Variants in MTBP observed in about 807,000 individuals in gnomAD.
MTBP encodes MDM2 binding protein, also known as mdm2-binding protein.
A neutral mutation model predicts 117.0 loss-of-function variants in MTBP; 101 were observed. The ratio of observed to expected loss-of-function variants is 0.86; its 90% CI spans 0.73 to 1.02. The LOEUF is 1.02. Among genes scored for constraint, MTBP ranks in the 50% least tolerant of loss-of-function variants. The pLI, the probability that MTBP is intolerant of heterozygous loss-of-function variation, is 0.00. For missense variants in MTBP, 970 were observed against 1,030.9 expected (o/e 0.94, Z 0.81); for synonymous variants, 350 against 351.5 (o/e 1.00, Z 0.05).
intron 21 of MTBP, among the ~76,000 whole-genome samples, chr8:120,523,022 TG>T (rs1815032237): frequency 6.6e-6 from 1 of 152,170 alleles, no homozygotes; most frequent in Non-Finnish European, 1.5e-5. Flanking sequence ...TTAGTTTATT[TG>T]ATTGACCATT....
chr8:120,467,583 G>T (rs773615166), intron 10 of MTBP, among the ~76,000 whole-genome samples: 1 of 152,206 alleles, frequency 6.6e-6, no homozygotes, highest in Non-Finnish European at 1.5e-5. Context: ...TCCAGCATGG[G>T]CAACAGGGTG....
intron 11 of MTBP, among the ~76,000 whole-genome samples, chr8:120,482,307 A>G (rs1179946362): frequency 6.6e-6 from 1 of 152,242 alleles, no homozygotes; most frequent in African/African-American, 2.4e-5. Context: ...TTCCTTATCT[A>G]GAAAATGAGA....
intron 1 of MTBP, among the ~76,000 whole-genome samples, 199 bp from the exon 2 acceptor site, chr8:120,446,234 G>T (rs1813224182): frequency 6.6e-6 from 1 of 152,090 alleles, no homozygotes; most frequent in East Asian, 1.9e-4. Context: ...TAACTGACTG[G>T]CATGTACAGA....
rs141210077 is a variant in MTBP, at chr8:120,482,231, A to G, written c.1166-5928A>G. 3.3e-3 allele frequency among the ~76,000 whole-genome samples: 495 copies of G among 152,296 alleles called. 2 individuals are homozygous for G. Among genetic ancestry groups the G allele is most frequent in the African/African-American group, 0.011 (467 of 41,576 alleles). On this transcript the variant is annotated intron_variant, in intron 11 of 21. Coordinates refer to ENST00000305949, the MANE Select transcript of MTBP (RefSeq NM_022045.5). ...CCCAACACGAGGTGAAATCACTGTC[A>G]CTGAAGAATCCTTTAGATGCTTTGA...
chr8:120,463,820 A>G, intron 10 of MTBP, 59 bp downstream of exon 10: 4 of 1,476,890 alleles, frequency 2.7e-6, no homozygotes, highest in Non-Finnish European at 9.4e-7. Flanking sequence ...CCATTTAAGG[A>G]TGTGTAAGAA....
intron 11 of MTBP, among the ~76,000 whole-genome samples, chr8:120,485,260 A>C (rs1183637062): frequency 1.3e-5 from 2 of 152,122 alleles, no homozygotes; most frequent in African/African-American, 4.8e-5. Flanking sequence ...GCTATATTTG[A>C]TAAATTTTAT....
At chr8:120,495,944 A>G (rs971533674) in intron 13 of MTBP, among the ~76,000 whole-genome samples, 5 of 152,128 alleles carry the variant, frequency 3.3e-5, no homozygotes, top group East Asian at 1.9e-4. Flanking sequence ...TGGGATTCCA[A>G]TGAATAATAC....
intron 17 of MTBP, among the ~76,000 whole-genome samples, chr8:120,513,382 T>A (rs1814853245): frequency 6.6e-6 from 1 of 152,078 alleles, no homozygotes; most frequent in Non-Finnish European, 1.5e-5. Context: ...TATTGTTTTG[T>A]AAGAAAATAT....
At chr8:120,448,668 T>C (rs1325464166) in intron 2 of MTBP, among the ~76,000 whole-genome samples, 1 of 152,214 alleles carries the variant, frequency 6.6e-6, no homozygotes, top group East Asian at 1.9e-4. Context: ...AAGCTTGCAA[T>C]GAAGTCTTAA....
chr8:120,489,162 C>T (rs1814287116), intron 12 of MTBP, among the ~76,000 whole-genome samples: 1 of 151,912 alleles, frequency 6.6e-6, no homozygotes. Context: ...CCTCAGCCTC[C>T]CAAGTAGCTG....
At position 120,461,153 on chromosome 8, in the gene MTBP, T is replaced by A. The variant is rs1439385905; in HGVS notation, c.883-8T>A. 3 of 1,542,806 alleles carry A rather than the reference T, an allele frequency of 1.9e-6. No homozygotes were observed. In the East Asian group the frequency reaches 6.8e-5, roughly 35 times the overall value. On this transcript the variant is annotated splice_polypyrimidine_tract_variant and splice_region_variant and intron_variant, in intron 8 of 21. Transcript: ENST00000305949. ...TTAAATATTACACAATTTTAATTTCTTTTCTAGGTTTTCCATTATTATGGC... is the reference window on the plus strand; with the variant it reads ...TTAAATATTACACAATTTTAATTTCATTTCTAGGTTTTCCATTATTATGGC...
Position 120,470,878 on chromosome 8 carries a change from A to G in MTBP, c.1106A>G (p.Asn369Ser), listed in dbSNP as rs375715273. The change falls in exon 11 of 22, where the codon AAC (asparagine) becomes AGC (serine). Residue 369 changes from asparagine to serine, a missense_variant. Asn to Ser is a conservative substitution (Grantham distance 46). Transcript: ENST00000305949. ...TISNILIPPP[N>S]QLSSRKWKEY... ...AGTAACATACTGATTCCACCTCCCA[A>G]CCAACTCAGTTCAAGAAAATGGAAG... The G allele has an allele frequency of 2.8e-5, 45 of 1,612,666 alleles. No homozygotes were observed. Among genetic ancestry groups the G allele is most frequent in the Admixed American group, 8.3e-5 (5 of 59,984 alleles).
At position 120,450,081 on chromosome 8, in the gene MTBP, G is replaced by A. The variant is rs540744013; in HGVS notation, c.200-922G>A. On this transcript the variant is annotated intron_variant, in intron 2 of 21. Transcript: ENST00000305949. ...AGAAACACTTGTGTGTATTTAAATGGCAATGACAAAGAACAGACAGAAGGG... is the reference window on the plus strand; with the variant it reads ...AGAAACACTTGTGTGTATTTAAATGACAATGACAAAGAACAGACAGAAGGG... Among the ~76,000 whole-genome samples, 9 of 152,204 alleles carry A rather than the reference G, an allele frequency of 5.9e-5. 1 individual carries two copies. The South Asian group carries it at 1.7e-3, about 28-fold the overall frequency.
Position 120,497,677 on chromosome 8 carries a change from G to T in MTBP, c.1609+123G>T, listed in dbSNP as rs1814498945. On this transcript the variant is annotated intron_variant, in intron 14 of 21. Coordinates refer to ENST00000305949, the MANE Select transcript of MTBP (RefSeq NM_022045.5). ...TATTTCACAAATTTAAATAATAATAGATACTTATATAGATACAAGTATGTA... is the reference window on the plus strand; with the variant it reads ...TATTTCACAAATTTAAATAATAATATATACTTATATAGATACAAGTATGTA... The T allele has an allele frequency of 6.4e-6, 4 of 625,430 alleles. No individual in the cohort carries two copies. The African/African-American group carries it at 7.5e-5, about 12-fold the overall frequency. 38.7% of individuals were successfully genotyped at this position (625,430 alleles called of 1,614,324 possible).
At chr8:120,505,295 T>C (rs2130606026) in intron 15 of MTBP, among the ~76,000 whole-genome samples, 1 of 152,220 alleles carries the variant, frequency 6.6e-6, no homozygotes, top group South Asian at 2.1e-4. Context: ...TACTTTAGGG[T>C]ATCAGCAGGC....
intron 17 of MTBP, among the ~76,000 whole-genome samples, chr8:120,510,454 TC>T (rs1814777900): frequency 6.6e-6 from 1 of 152,066 alleles, no homozygotes; most frequent in African/African-American, 2.4e-5. Flanking sequence ...ATTCTCAATA[TC>T]CTCAAACTGG....
intron 2 of MTBP, among the ~76,000 whole-genome samples, chr8:120,450,761 A>G (rs1214759380): frequency 6.6e-6 from 1 of 152,184 alleles, no homozygotes; most frequent in Admixed American, 6.5e-5. Flanking sequence ...AAAAATAATA[A>G]TACGAAATTC....
chr8:120,465,457 A>C (rs569173875), intron 10 of MTBP, among the ~76,000 whole-genome samples: 1 of 152,184 alleles, frequency 6.6e-6, no homozygotes, highest in African/African-American at 2.4e-5. Context: ...TAAACTACCA[A>C]GTATGATATA....
chr8:120,454,403 A>G (rs1311370786), intron 5 of MTBP, among the ~76,000 whole-genome samples: 1 of 152,080 alleles, frequency 6.6e-6, no homozygotes, highest in East Asian at 1.9e-4. Context: ...AGTGGAAAGA[A>G]TACCTGTGAC....
Sources: allele counts gnomAD v4.1 joint callset (sites outside exome capture counted in the v4.1 genomes callset), GRCh38; gene constraint gnomAD v4.1.1; transcripts MANE v1.5; gene names NCBI Gene and HGNC (gene_info 2026-07-23, HGNC 2026-07-21).